KSR1: variants seen among roughly 807,000 people sequenced by gnomAD.
KSR1 encodes the protein kinase suppressor of ras.
Under a neutral mutation model 92.9 loss-of-function variants are expected in KSR1, and 35 were observed. The ratio of observed to expected loss-of-function variants is 0.38; its 90% CI spans 0.29 to 0.50. KSR1 has a LOEUF of 0.50. Ranked by LOEUF, KSR1 falls within the 20% of genes least tolerant of loss-of-function variation. KSR1 has a pLI of 0.94. For missense variants in KSR1, 972 were observed against 1,158.5 expected, an observed-to-expected ratio of 0.84 and a Z score of 2.34; for synonymous variants, 467 against 472.6, an observed-to-expected ratio of 0.99 and a Z score of 0.15.
chr17:27,558,520 G>A (rs959656580), intron 2 of KSR1, among the ~76,000 whole-genome samples: 4 of 151,984 alleles, frequency 2.6e-5, no homozygotes, highest in African/African-American at 4.8e-5. Flanking sequence ...GCACCTGAAC[G>A]AAGATGAGAG....
In KSR1 at chr17:27,577,760, A is replaced by T; in HGVS notation, c.520+121A>T. ...CCAGGGTTTCTGGGGCAGCCTGGAA[A>T]GGCCAGGGTTGGATGTTCACAGCCT... On this transcript the variant is annotated intron_variant, in intron 3 of 20. Transcript: ENST00000644974. This position sits in a 1 kb window ranked among gnomAD's most constrained non-coding sequence, Gnocchi z 4.5. The T allele has an allele frequency of 1.2e-6, 1 of 844,696 alleles. No individual in the cohort carries two copies. Among genetic ancestry groups the T allele is most frequent in the Non-Finnish European group, 1.9e-6 (1 of 515,812 alleles). The allele number at this position is 844,696 out of a possible 1,614,324, so 52.3% of individuals were successfully genotyped here.
intron 2 of KSR1, among the ~76,000 whole-genome samples, chr17:27,575,894 A>T (rs1289771832): frequency 6.6e-6 from 1 of 152,198 alleles, no homozygotes; most frequent in African/African-American, 2.4e-5. Flanking sequence ...CTCTGCTTAT[A>T]TCCCTACTTG....
At chr17:27,511,162 A>T (rs1296906820) in intron 1 of KSR1, among the ~76,000 whole-genome samples, 1 of 152,184 alleles carries the variant, frequency 6.6e-6, no homozygotes, top group East Asian at 1.9e-4. Context: ...CTGGCTAGAG[A>T]TTCTAGTGCA....
Position 27,592,643 on chromosome 17 carries a change from T to A in KSR1, c.1299+17T>A. On this transcript the variant is annotated intron_variant, in intron 9 of 20. Transcript: ENST00000644974. ...ACAAAGAAGGTACGCTGGGTAATGCTGGGGAGGACGCCCTTCTGCCACTGG... is the reference window on the plus strand; with the variant it reads ...ACAAAGAAGGTACGCTGGGTAATGCAGGGGAGGACGCCCTTCTGCCACTGG... 1 of 1,603,824 alleles carries A rather than the reference T, an allele frequency of 6.2e-7. No homozygotes were observed. The highest frequency in any genetic ancestry group is 8.5e-7 in the Non-Finnish European group (1 of 1,173,836).
intron 1 of KSR1, among the ~76,000 whole-genome samples, chr17:27,533,965 G>A (rs2070654484): frequency 1.8e-5 from 1 of 54,258 alleles, no homozygotes; most frequent in Non-Finnish European, 3.3e-5. Flanking sequence ...GTGTGCGCAC[G>A]TGTGTGTGTG....
chr17:27,503,602 C>G (rs2069269703), intron 1 of KSR1, among the ~76,000 whole-genome samples: 1 of 152,128 alleles, frequency 6.6e-6, no homozygotes, highest in Non-Finnish European at 1.5e-5. Flanking sequence ...GGTGCAGTTC[C>G]CATCTATTTC....
At chr17:27,581,817 G>A (rs1258640225) in intron 3 of KSR1, among the ~76,000 whole-genome samples, 1 of 152,182 alleles carries the variant, frequency 6.6e-6, no homozygotes, top group Non-Finnish European at 1.5e-5. Context: ...AAACACTACA[G>A]AGCCACACAA....
At position 27,580,456 on chromosome 17, in the gene KSR1, C is replaced by T. The variant is rs541285294; in HGVS notation, c.521-2190C>T. On this transcript the variant is annotated intron_variant, in intron 3 of 20. Coordinates refer to ENST00000644974, the MANE Select transcript of KSR1 (RefSeq NM_001394583.1). ...TATGAATTGGGAAGGCTAATTCATC[C>T]CCCCTATTCTTGAGAAGTGGCTTGA... Among the ~76,000 whole-genome samples the T allele has an allele frequency of 3.3e-5, 5 of 152,116 alleles. No individual in the cohort carries two copies. In the South Asian group the frequency reaches 1.0e-3, roughly 32 times the overall value.
At chr17:27,598,886 G>C (rs1311852768) in intron 10 of KSR1, among the ~76,000 whole-genome samples, 1 of 152,194 alleles carries the variant, frequency 6.6e-6, no homozygotes, top group Admixed American at 6.5e-5. Flanking sequence ...CGCCCGGCTG[G>C]CCCGGTGGTT....
At chr17:27,610,245 G>A (rs768984461) in intron 17 of KSR1, 47 bp downstream of exon 17, 1 of 1,611,054 alleles carries the variant, frequency 6.2e-7, no homozygotes, top group East Asian at 2.2e-5. Flanking sequence ...CCAAAACAGA[G>A]GGCCCTGGTG....
intron 19 of KSR1, 148 bp downstream of exon 19, chr17:27,617,576 G>A (rs770787046): frequency 7.4e-6 from 7 of 947,438 alleles, no homozygotes; most frequent in Non-Finnish European, 1.1e-5. Flanking sequence ...CATCAGGGCT[G>A]GAGTGCAGTG....
chr17:27,576,974 G>T (rs2072531253), intron 2 of KSR1, among the ~76,000 whole-genome samples: 1 of 152,112 alleles, frequency 6.6e-6, no homozygotes. Flanking sequence ...TCTGTCAGGT[G>T]GGGCCAGTGA....
chr17:27,548,552 G>A (rs1017169701), intron 1 of KSR1, among the ~76,000 whole-genome samples: 33 of 151,500 alleles, frequency 2.2e-4, no homozygotes, highest in Admixed American at 1.1e-3. Context: ...CTTAGCCTCC[G>A]AAAGTGCTGG....
At chr17:27,592,666 T>A in intron 9 of KSR1, 40 bp downstream of exon 9, 1 of 1,543,588 alleles carries the variant, frequency 6.5e-7, no homozygotes, top group Non-Finnish European at 8.8e-7. Flanking sequence ...CTTCTGCCAC[T>A]GGCCTTCCTT....
chr17:27,481,375 A>C (rs915510307), intron 1 of KSR1, among the ~76,000 whole-genome samples: 1 of 152,164 alleles, frequency 6.6e-6, no homozygotes, highest in Non-Finnish European at 1.5e-5. Flanking sequence ...TTTCTTCTGA[A>C]GTCTCTTTCA....
chr17:27,512,308 A>T (rs2069629565), intron 1 of KSR1, among the ~76,000 whole-genome samples: 1 of 152,226 alleles, frequency 6.6e-6, no homozygotes, highest in African/African-American at 2.4e-5. Flanking sequence ...GGAAGGATGA[A>T]TTGCTGTACC....
intron 2 of KSR1, among the ~76,000 whole-genome samples, chr17:27,561,068 GGGGCAAGCTACAA>G (rs2071807709): frequency 6.6e-6 from 1 of 152,210 alleles, no homozygotes; most frequent in South Asian, 2.1e-4. Flanking sequence ...ATGGAAGGAA[GGGGCAAGCTACAA>G]GGCCAGCATT....
At position 27,609,343 on chromosome 17, in the gene KSR1, G is replaced by A. The variant is rs770033172; in HGVS notation, c.2225+14G>A. On this transcript the variant is annotated intron_variant, in intron 16 of 20. Coordinates refer to ENST00000644974, the MANE Select transcript of KSR1 (RefSeq NM_001394583.1). ...CCGAGAGGGACGGTGAGTTGGTCTT[G>A]AGTGTCTGGGTGGGTTGTGGGTGCT... 46 of 1,613,660 alleles carry A rather than the reference G, an allele frequency of 2.9e-5. No individual in the cohort carries two copies. In the Admixed American group the frequency reaches 4.7e-4, roughly 16 times the overall value.
chr17:27,617,299 T>C lies in KSR1; in HGVS notation c.2498T>C (p.Ile833Thr). Residue 833 changes from isoleucine (I) to threonine (T), a missense_variant, in exon 19 of 21, where the codon ATC becomes ACC. By Grantham distance (89) the Ile-to-Thr change is moderately conservative. Transcript: ENST00000644974. ...TAATGGCAGCTCCATTTGCAGGAGATCCTGTCGGCCTGCTGGGCTTTCGAC... is the reference window on the plus strand; with the variant it reads ...TAATGGCAGCTCCATTTGCAGGAGACCCTGTCGGCCTGCTGGGCTTTCGAC... ...SVSLGKEVSE[I>T]LSACWAFDLQ... 1 of 1,605,318 alleles carries C rather than the reference T, an allele frequency of 6.2e-7. No individual in the cohort carries two copies. Among genetic ancestry groups the C allele is most frequent in the Non-Finnish European group, 8.5e-7 (1 of 1,173,952 alleles).
Sources: gnomAD v4.1 joint callset for allele counts (sites outside exome capture counted in the v4.1 genomes callset) on GRCh38, gnomAD v4.1.1 for gene constraint, Gnocchi (gnomAD v3.1) non-coding constraint, MANE v1.5 for transcripts, NCBI Gene and HGNC (gene_info 2026-07-23, HGNC 2026-07-21) for gene names.